PRKN: variants seen among roughly 807,000 people sequenced by gnomAD.
The protein encoded by PRKN is parkin RBR E3 ubiquitin protein ligase.
A neutral mutation model predicts 59.5 loss-of-function variants in PRKN; 56 were observed. That is an observed-to-expected ratio of 0.94 (90% CI 0.76 to 1.18). The LOEUF is 1.18. Ranked by LOEUF, PRKN falls within the 50% of genes most tolerant of loss-of-function variation. The pLI, the probability that PRKN is intolerant of heterozygous loss-of-function variation, is 0.00. For missense variants in PRKN, 657 were observed against 596.4 expected, an observed-to-expected ratio of 1.10 and a Z score of -1.06; for synonymous variants, 250 against 222.1, an observed-to-expected ratio of 1.13 and a Z score of -1.12.
rs2128330340 is a variant in PRKN at position 162,201,111 on chromosome 6, C to T, written c.534+20G>A. 6.2e-7 allele frequency: 1 copy of T among 1,612,892 alleles called. No individual in the cohort carries two copies. Among genetic ancestry groups the T allele is most frequent in the Non-Finnish European group, 8.5e-7 (1 of 1,178,840 alleles). ...CATTCATTTTCCTGGCAGTCTCATG[C>T]TGACACTGCATTTCCTTACCTGGGT... On this transcript the variant is annotated intron_variant, in intron 4 of 11. Transcript: ENST00000366898.
intron 1 of PRKN, among the ~76,000 whole-genome samples, chr6:162,532,865 A>G (rs1778570148): frequency 1.3e-5 from 2 of 152,176 alleles, no homozygotes; most frequent in South Asian, 4.1e-4. Flanking sequence ...GGATACTGTA[A>G]ACTCAGTAGC....
chr6:162,267,865 C>T (rs1780206750), intron 2 of PRKN, among the ~76,000 whole-genome samples: 1 of 152,052 alleles, frequency 6.6e-6, no homozygotes, highest in African/African-American at 2.4e-5. Context: ...CAATAATATA[C>T]AAAAAACTGA....
At chr6:162,298,327 C>G (rs1257847903) in intron 2 of PRKN, among the ~76,000 whole-genome samples, 1 of 152,096 alleles carries the variant, frequency 6.6e-6, no homozygotes, top group East Asian at 1.9e-4. Flanking sequence ...TTCTCATTAG[C>G]TCTGGGAACA....
intron 4 of PRKN, among the ~76,000 whole-genome samples, chr6:162,200,661 C>T (rs1336907648): frequency 1.3e-5 from 2 of 152,192 alleles, no homozygotes; most frequent in African/African-American, 2.4e-5. Context: ...CTGATCCATA[C>T]TCTTTTTTTA....
At chr6:162,335,000 G>A (rs1783769356) in intron 2 of PRKN, among the ~76,000 whole-genome samples, 1 of 151,948 alleles carries the variant, frequency 6.6e-6, no homozygotes, top group Non-Finnish European at 1.5e-5. Flanking sequence ...ATGAAGAGTT[G>A]TTTCTTATGG....
rs1271553718 is a variant in PRKN at position 161,757,916 on chromosome 6, CACACA to C, written c.871+27851_871+27855del. On this transcript the variant is annotated intron_variant, in intron 7 of 11. Coordinates refer to ENST00000366898, the MANE Select transcript of PRKN (RefSeq NM_004562.3). The stretch of plus-strand genomic sequence containing the variant: ...ACACACACACACACACACACACACA[CACACA>C]TCTCTCTCTCTGTATATATATGTAT... Among the ~76,000 whole-genome samples, 5 of 127,314 alleles carry C rather than the reference CACACA, an allele frequency of 3.9e-5. 1 individual carries two copies. The highest frequency in any genetic ancestry group is 6.6e-5 in the Non-Finnish European group (4 of 61,032). 83.5% of individuals were successfully genotyped at this position (127,314 alleles called of 152,430 possible).
At chr6:162,212,553 G>A (rs1269751162) in intron 3 of PRKN, among the ~76,000 whole-genome samples, 1 of 152,188 alleles carries the variant, frequency 6.6e-6, no homozygotes, top group Non-Finnish European at 1.5e-5. Context: ...CGGGCTTTGA[G>A]AATGCTGCAG....
intron 2 of PRKN, among the ~76,000 whole-genome samples, chr6:162,274,379 G>A (rs1486645738): frequency 1.3e-5 from 2 of 151,950 alleles, no homozygotes; most frequent in Admixed American, 6.6e-5. Flanking sequence ...ATACAGACAG[G>A]GTTTTGCCAT....
In PRKN at chr6:161,426,909, T is replaced by C. The variant is rs146408841; in HGVS notation, c.1084-40032A>G. Among the ~76,000 whole-genome samples the C allele has an allele frequency of 5.7e-3, 845 of 148,134 alleles. 9 individuals carry two copies. Among genetic ancestry groups the C allele is most frequent in the African/African-American group, 0.02 (795 of 39,776 alleles). ...AATTTTTTCGTATTTTTAGTAGAGA[T>C]GGGGTTTCATCATGTTAGCCAGGAT... On this transcript the variant is annotated intron_variant, in intron 9 of 11. Transcript: ENST00000366898.
In PRKN at chr6:161,409,239, C is replaced by T. The variant is rs147220893; in HGVS notation, c.1084-22362G>A. On this transcript the variant is annotated intron_variant, in intron 9 of 11. Transcript: ENST00000366898. This position sits in a 1 kb window ranked among gnomAD's most constrained non-coding sequence, Gnocchi z 4.6. ...GATTACAGGTGTGAGCCACCACCCC[C>T]GGCCAGGAGAACACATTTTTAAACT... 4.0e-3 allele frequency among the ~76,000 whole-genome samples: 610 copies of T among 152,288 alleles called. 6 individuals carry two copies. Among genetic ancestry groups the T allele is most frequent in the African/African-American group, 0.013 (557 of 41,538 alleles).
In PRKN at chr6:161,432,344, C is replaced by T. The variant is rs143677372; in HGVS notation, c.1084-45467G>A. ...AGCATATTTTTACATTAACAATATTCACTTCCTCTGATTTTTTTTTTTTTT... is the reference window on the plus strand; with the variant it reads ...AGCATATTTTTACATTAACAATATTTACTTCCTCTGATTTTTTTTTTTTTT... On this transcript the variant is annotated intron_variant, in intron 9 of 11. Transcript: ENST00000366898. 1.9e-3 allele frequency among the ~76,000 whole-genome samples: 289 copies of T among 148,696 alleles called. 1 individual carries two copies. Among genetic ancestry groups the T allele is most frequent in the African/African-American group, 6.7e-3 (273 of 40,490 alleles).
intron 1 of PRKN, among the ~76,000 whole-genome samples, chr6:162,518,012 G>A (rs952606157): frequency 2.0e-5 from 3 of 152,146 alleles, no homozygotes; most frequent in African/African-American, 7.2e-5. Context: ...ATAAAACTAA[G>A]TTTATGCACA....
chr6:161,535,256 T>C (rs1050505626), intron 9 of PRKN, among the ~76,000 whole-genome samples: 1 of 152,226 alleles, frequency 6.6e-6, no homozygotes, highest in Admixed American at 6.5e-5. Flanking sequence ...ACGGGTATTA[T>C]TGAGAGTTAG....
chr6:161,891,946 C>T (rs530885418), intron 6 of PRKN, among the ~76,000 whole-genome samples: 1 of 150,066 alleles, frequency 6.7e-6, no homozygotes, highest in East Asian at 2.0e-4. Context: ...CACAAATATT[C>T]CTGTGAAGTT....
At chr6:162,273,790 C>T (rs9365395) in intron 2 of PRKN, among the ~76,000 whole-genome samples, 10,963 of 152,192 alleles carry the variant, frequency 0.072, 1,087 homozygotes, top group East Asian at 0.5. Context: ...ATCTATTCAT[C>T]ACCTTATTCA....
chr6:162,505,298 T>C (rs1369086277), intron 1 of PRKN, among the ~76,000 whole-genome samples: 1 of 152,142 alleles, frequency 6.6e-6, no homozygotes, highest in Non-Finnish European at 1.5e-5. Context: ...AAAATGTTTA[T>C]CAACAGGACA....
At chr6:162,268,503 AC>A (rs1780233669) in intron 2 of PRKN, among the ~76,000 whole-genome samples, 1 of 152,358 alleles carries the variant, frequency 6.6e-6, no homozygotes, top group Admixed American at 6.5e-5. Flanking sequence ...TTATAGCAAG[AC>A]AAAGAATACA....
At chr6:161,875,399 G>A (rs1794698291) in intron 6 of PRKN, among the ~76,000 whole-genome samples, 1 of 151,624 alleles carries the variant, frequency 6.6e-6, no homozygotes, top group South Asian at 2.1e-4. Context: ...TCATCATGTT[G>A]GGCAGGCTGG....
At chr6:161,453,310 T>C (rs1368705005) in intron 9 of PRKN, among the ~76,000 whole-genome samples, 1 of 151,080 alleles carries the variant, frequency 6.6e-6, no homozygotes, top group African/African-American at 2.5e-5. Context: ...ACTCCCACAA[T>C]GTGTGTGTGT....
Sources: gnomAD v4.1 joint callset for allele counts (sites outside exome capture counted in the v4.1 genomes callset) on GRCh38, gnomAD v4.1.1 for gene constraint, Gnocchi (gnomAD v3.1) non-coding constraint, MANE v1.5 for transcripts, NCBI Gene and HGNC (gene_info 2026-07-23, HGNC 2026-07-21) for gene names.